Variants in GPC6 observed in about 807,000 individuals in gnomAD.
GPC6 encodes the protein glypican-6.
Under a neutral mutation model 55.2 loss-of-function variants are expected in GPC6, and 14 were observed. The observed-to-expected ratio is 0.25, with a 90% confidence interval of 0.17 to 0.40. The LOEUF (loss-of-function observed/expected upper bound fraction) is 0.40. GPC6 is among the 10% of genes least tolerant of loss of function. The pLI is 1.00. For synonymous variants in GPC6, 278 were observed against 259.6 expected, an observed-to-expected ratio of 1.07 and a Z score of -0.68; for missense variants, 641 against 708.5, an observed-to-expected ratio of 0.90 and a Z score of 1.08.
intron 1 of GPC6, among the ~76,000 whole-genome samples, chr13:93,311,573 A>C (rs1296760085): frequency 6.6e-6 from 1 of 152,166 alleles, no homozygotes. Context: ...AGCCCTACAC[A>C]GTCTATTGTA....
chr13:93,591,507 C>G (rs1409059973), intron 2 of GPC6, among the ~76,000 whole-genome samples: 1 of 150,628 alleles, frequency 6.6e-6, no homozygotes, highest in African/African-American at 2.4e-5. Flanking sequence ...TGTTTCGTAT[C>G]AATATTGTAG....
intron 4 of GPC6, among the ~76,000 whole-genome samples, chr13:94,181,586 T>C (rs2138947512): frequency 6.6e-6 from 1 of 152,348 alleles, no homozygotes; most frequent in South Asian, 2.1e-4. Context: ...TAATTCACTT[T>C]ATTAAGGTCC....
At chr13:93,909,442 A>T (rs1057322420) in intron 3 of GPC6, among the ~76,000 whole-genome samples, 2 of 152,198 alleles carry the variant, frequency 1.3e-5, no homozygotes, top group African/African-American at 2.4e-5. Context: ...TATTAGTATC[A>T]CACACACATA....
intron 4 of GPC6, among the ~76,000 whole-genome samples, chr13:94,208,647 C>A (rs1176163195): frequency 6.7e-6 from 1 of 150,110 alleles, no homozygotes; most frequent in Admixed American, 6.7e-5. Context: ...TAGCGCTAGA[C>A]ACAGGGGCTC....
intron 4 of GPC6, among the ~76,000 whole-genome samples, chr13:94,112,146 G>A (rs150775162): frequency 3.3e-5 from 5 of 152,112 alleles, no homozygotes; most frequent in East Asian, 1.9e-4. Flanking sequence ...CTAAAATGTC[G>A]ATTACAGACT....
chr13:93,366,524 A>C (rs1881255547), intron 1 of GPC6, among the ~76,000 whole-genome samples: 1 of 152,064 alleles, frequency 6.6e-6, no homozygotes, highest in African/African-American at 2.4e-5. Context: ...AAATTATTTA[A>C]ATTTCTAAAA....
At chr13:93,257,340 T>C (rs894543773) in intron 1 of GPC6, among the ~76,000 whole-genome samples, 1 of 152,134 alleles carries the variant, frequency 6.6e-6, no homozygotes, top group Non-Finnish European at 1.5e-5. Context: ...ACTTTCACTA[T>C]AAGTGGAATG....
At chr13:93,744,679 C>T (rs891131092) in intron 2 of GPC6, among the ~76,000 whole-genome samples, 6 of 151,758 alleles carry the variant, frequency 4.0e-5, no homozygotes, top group Non-Finnish European at 5.9e-5. Flanking sequence ...GTGGCTCACA[C>T]CTGTAATCCC....
chr13:93,615,936 A>G (rs773193844), intron 2 of GPC6, among the ~76,000 whole-genome samples: 1 of 152,148 alleles, frequency 6.6e-6, no homozygotes, highest in Non-Finnish European at 1.5e-5. Context: ...TAGTAACTAA[A>G]CTAAAACAAG....
chr13:93,322,373 A>G (rs1879476707), intron 1 of GPC6, among the ~76,000 whole-genome samples: 1 of 150,130 alleles, frequency 6.7e-6, no homozygotes, highest in Admixed American at 6.6e-5. Context: ...CTTATAAGTG[A>G]GAACGTGTGG....
intron 3 of GPC6, among the ~76,000 whole-genome samples, chr13:93,981,077 A>G (rs756193561): frequency 6.6e-6 from 1 of 152,174 alleles, no homozygotes; most frequent in Non-Finnish European, 1.5e-5. Context: ...TAATTATCTT[A>G]TTATTCAAAA....
At chr13:94,019,600 C>T (rs1029136901) in intron 3 of GPC6, among the ~76,000 whole-genome samples, 1 of 152,148 alleles carries the variant, frequency 6.6e-6, no homozygotes, top group African/African-American at 2.4e-5. Context: ...TTCACATCAT[C>T]TTCTTCTTTG....
chr13:93,885,094 C>A (rs1273534956), intron 3 of GPC6, among the ~76,000 whole-genome samples: 1 of 152,042 alleles, frequency 6.6e-6, no homozygotes, highest in South Asian at 2.1e-4. Flanking sequence ...AGAGTATATA[C>A]CCTAATGAGG....
At chr13:93,593,442 G>C (rs1235785326) in intron 2 of GPC6, among the ~76,000 whole-genome samples, 1 of 152,040 alleles carries the variant, frequency 6.6e-6, no homozygotes, top group Non-Finnish European at 1.5e-5. Context: ...AAAACTAACA[G>C]TTCAAGCTTC....
chr13:93,808,853 C>A (rs1886615034), intron 2 of GPC6, among the ~76,000 whole-genome samples: 2 of 152,012 alleles, frequency 1.3e-5, no homozygotes, highest in Non-Finnish European at 2.9e-5. Flanking sequence ...TAGAGATAAC[C>A]AGTAAACAGC....
At chr13:93,892,695 A>G (rs938896593) in intron 3 of GPC6, among the ~76,000 whole-genome samples, 1 of 152,200 alleles carries the variant, frequency 6.6e-6, no homozygotes, top group Non-Finnish European at 1.5e-5. Context: ...AGACACACAG[A>G]TAAATACAAA....
rs146465141 is a variant in GPC6, at chr13:93,888,718, G to T, written c.711+58173G>T. Reference sequence around the variant, plus strand: ...ACTACACAACATTTAATTTTTCCTTGAAGAAGTGCTTATATTTTCAGAACA... The same window carrying T: ...ACTACACAACATTTAATTTTTCCTTTAAGAAGTGCTTATATTTTCAGAACA... On this transcript the variant is annotated intron_variant, in intron 3 of 8. Coordinates refer to ENST00000377047, the MANE Select transcript of GPC6 (RefSeq NM_005708.5). Among the ~76,000 whole-genome samples, 31 of 152,182 alleles carry T rather than the reference G, an allele frequency of 2.0e-4. No individual in the cohort carries two copies. The East Asian group carries it at 6.0e-3, about 29-fold the overall frequency.
chr13:94,013,158 A>T (rs947921599), intron 3 of GPC6, among the ~76,000 whole-genome samples: 2 of 152,126 alleles, frequency 1.3e-5, no homozygotes, highest in African/African-American at 2.4e-5. Context: ...TAACTAGCAG[A>T]AAGAACTATT....
chr13:93,706,232 C>G (rs936855062), intron 2 of GPC6, among the ~76,000 whole-genome samples: 3 of 151,802 alleles, frequency 2.0e-5, no homozygotes, highest in Non-Finnish European at 4.4e-5. Context: ...AATTATTAGA[C>G]AACTACTTTA....
Sources: gnomAD v4.1 joint callset for allele counts (sites outside exome capture counted in the v4.1 genomes callset) on GRCh38, gnomAD v4.1.1 for gene constraint, MANE v1.5 for transcripts, NCBI Gene and HGNC (gene_info 2026-07-23, HGNC 2026-07-21) for gene names.